CUBN: variants seen among roughly 807,000 people sequenced by gnomAD.
CUBN encodes the protein 460 kDa receptor.
Under a neutral mutation model 405.3 loss-of-function variants are expected in CUBN, and 282 were observed. That is an observed-to-expected ratio of 0.70 (90% CI 0.63 to 0.77). The LOEUF is 0.77. CUBN is among the 30% of genes least tolerant of loss of function. CUBN has a pLI of 0.00. For synonymous variants in CUBN, 1,684 were observed against 1,617.0 expected (o/e 1.04, Z -0.99); for missense variants, 4,514 against 4,475.2 (o/e 1.01, Z -0.25).
chr10:16,831,387 A>G lies in CUBN; in HGVS notation c.10393T>C (p.Leu3465=). 2 of 1,614,104 alleles carry G rather than the reference A, an allele frequency of 1.2e-6. No homozygotes were observed. The change falls in exon 65 of 67, where the codon TTA becomes CTA. Residue 3465 remains leucine (L), a synonymous_variant. Coordinates refer to ENST00000377833, the MANE Select transcript of CUBN (RefSeq NM_001081.4). The part of the protein sequence containing the change: ...VRNGSNSNSP[L]LGKYCGTLLP... ...AGAGTTCCACAGTACTTGCCCAGTA[A>G]TGGTGAATTGCTGTTACTTCCATTT...
chr10:17,007,281 G>A (rs1834053027), intron 28 of CUBN, among the ~76,000 whole-genome samples: 1 of 151,888 alleles, frequency 6.6e-6, no homozygotes, highest in Non-Finnish European at 1.5e-5. Flanking sequence ...TAGAGACAGG[G>A]CAACTGTGGC....
chr10:17,099,800 C>T (rs1039822734), intron 14 of CUBN, among the ~76,000 whole-genome samples: 8 of 144,976 alleles, frequency 5.5e-5, no homozygotes, highest in Non-Finnish European at 9.4e-5. Flanking sequence ...TTCAGTGAGC[C>T]GTGATCAGGC....
intron 31 of CUBN, among the ~76,000 whole-genome samples, chr10:16,960,294 C>G (rs893284641): frequency 6.6e-6 from 1 of 152,170 alleles, no homozygotes; most frequent in Non-Finnish European, 1.5e-5. Flanking sequence ...GAGTTTGAGA[C>G]CAGTCTGGCC....
At chr10:16,958,990 G>A (rs1259677863) in intron 31 of CUBN, among the ~76,000 whole-genome samples, 2 of 152,172 alleles carry the variant, frequency 1.3e-5, no homozygotes, top group Non-Finnish European at 2.9e-5. Context: ...CTCTTGTGGG[G>A]AGGAACATCA....
chr10:16,952,426 T>A, intron 32 of CUBN, 37 bp from the exon 33 acceptor site: 1 of 1,163,386 alleles, frequency 8.6e-7, no homozygotes, highest in South Asian at 1.2e-5. Flanking sequence ...TGTCATATGC[T>A]TTTCATTTCT....
In CUBN at chr10:17,100,158, C is replaced by G. The variant is rs762924715; in HGVS notation, c.1612G>C (p.Asp538His). ...CCAAGTTGAAAAGCAGAAGAGGAAT[C>G]TCCATCATAAACCTGAAGAAACTCG... ...PHEFLQVYDG[D>H]SSSAFQLGRF... Residue 538 changes from aspartate (D) to histidine (H), a missense_variant, in exon 14 of 67, where the codon GAT becomes CAT. Coordinates refer to ENST00000377833, the MANE Select transcript of CUBN (RefSeq NM_001081.4). 1 of 1,614,004 alleles carries G rather than the reference C, an allele frequency of 6.2e-7. No homozygotes were observed. The highest frequency in any genetic ancestry group is 1.7e-5 in the Admixed American group (1 of 60,020).
At position 16,937,680 on chromosome 10, in the gene CUBN, G is replaced by A; in HGVS notation, c.5838C>T (p.Tyr1946=). The A allele has an allele frequency of 6.2e-7, 1 of 1,614,030 alleles. No homozygotes were observed. Among genetic ancestry groups the A allele is most frequent in the Non-Finnish European group, 8.5e-7 (1 of 1,179,960 alleles). Residue 1946 remains tyrosine, a synonymous_variant, in exon 39 of 67, where the codon TAC becomes TAT. Coordinates refer to ENST00000377833, the MANE Select transcript of CUBN (RefSeq NM_001081.4). ...CCTTCCCTGAGATTGAAGAGTCGGA[G>A]TAAAAATGAAATGTCAAAGAATTTC... ...STGNSLTFHF[Y]SDSSISGKGF...
In CUBN at chr10:16,840,664, C is replaced by G. The variant is rs562075616; in HGVS notation, c.9827-129G>C. On this transcript the variant is annotated intron_variant, in intron 61 of 66. Transcript: ENST00000377833. The stretch of plus-strand genomic sequence containing the variant: ...TATTTTCATTACTCTATTAAGAATT[C>G]AGGGTTTATATCCTTGACTAAAGAT... The G allele has an allele frequency of 6.5e-6, 6 of 916,996 alleles. No homozygotes were observed. The Admixed American group carries it at 1.2e-4, about 18-fold the overall frequency. The allele number at this position is 916,996 out of a possible 1,614,324, so 56.8% of individuals were successfully genotyped here.
At chr10:17,050,251 T>C (rs1361017847) in intron 22 of CUBN, among the ~76,000 whole-genome samples, 1 of 152,184 alleles carries the variant, frequency 6.6e-6, no homozygotes, top group Non-Finnish European at 1.5e-5. Flanking sequence ...GCTGCTCTCC[T>C]TAAGAACTGT....
chr10:17,075,073 CTTTTTTT>C (rs957929670), intron 17 of CUBN, among the ~76,000 whole-genome samples: 120 of 65,322 alleles, frequency 1.8e-3, no homozygotes, highest in African/African-American at 5.9e-3. Context: ...TCTTTGTTTT[CTTTTTTT>C]TTTTTTTTTT....
At chr10:17,089,693 A>G (rs918438636) in intron 14 of CUBN, among the ~76,000 whole-genome samples, 5 of 152,226 alleles carry the variant, frequency 3.3e-5, no homozygotes, top group African/African-American at 1.2e-4. Context: ...AGCAATACCT[A>G]GCAAAAACCT....
intron 2 of CUBN, among the ~76,000 whole-genome samples, chr10:17,128,577 G>T (rs1043274817): frequency 6.6e-6 from 1 of 152,174 alleles, no homozygotes; most frequent in Non-Finnish European, 1.5e-5. Flanking sequence ...CTGTGGAGGA[G>T]TTTCAGTTCC....
At chr10:16,932,737 A>G (rs972443085) in intron 40 of CUBN, among the ~76,000 whole-genome samples, 1 of 152,126 alleles carries the variant, frequency 6.6e-6, no homozygotes, top group Admixed American at 6.6e-5. Context: ...TTACAATTAT[A>G]AGTATTTTTT....
intron 31 of CUBN, among the ~76,000 whole-genome samples, chr10:16,967,072 G>T (rs79196324): frequency 0.029 from 4,406 of 152,258 alleles, 218 homozygotes; most frequent in African/African-American, 0.099. Flanking sequence ...GAATGCGGAA[G>T]GAAATGAAAA....
intron 54 of CUBN, among the ~76,000 whole-genome samples, chr10:16,894,901 G>A (rs11254267): frequency 0.073 from 11,135 of 152,172 alleles, 930 homozygotes; most frequent in East Asian, 0.33. Context: ...GCACATATTT[G>A]TTTGGGGCTT....
chr10:16,915,418 C>A (rs1045503305), intron 46 of CUBN, among the ~76,000 whole-genome samples: 2 of 152,188 alleles, frequency 1.3e-5, no homozygotes, highest in Non-Finnish European at 2.9e-5. Flanking sequence ...AAGGCTTGCT[C>A]ATTTGGTTGA....
intron 40 of CUBN, 123 bp from the exon 41 acceptor site, chr10:16,928,426 T>C (rs1216520237): frequency 9.6e-7 from 1 of 1,041,786 alleles, no homozygotes. Context: ...TAGGAGATAA[T>C]GGGATCCTCA....
intron 27 of CUBN, among the ~76,000 whole-genome samples, chr10:17,030,697 T>A (rs1359919681): frequency 1.3e-5 from 2 of 152,140 alleles, no homozygotes; most frequent in African/African-American, 2.4e-5. Context: ...GGTGTGTGGA[T>A]CACCTGAGGT....
At chr10:17,059,552 T>C (rs949432321) in intron 22 of CUBN, among the ~76,000 whole-genome samples, 1 of 150,826 alleles carries the variant, frequency 6.6e-6, no homozygotes, top group African/African-American at 2.4e-5. Flanking sequence ...TCTGAATGAA[T>C]CCATATGACC....
Sources: allele counts gnomAD v4.1 joint callset (sites outside exome capture counted in the v4.1 genomes callset), GRCh38; gene constraint gnomAD v4.1.1; transcripts MANE v1.5; gene names NCBI Gene and HGNC (gene_info 2026-07-23, HGNC 2026-07-21).